The following CTNNA2 variants were observed in gnomAD, a reference collection of about 807,000 sequenced individuals.
CTNNA2 encodes the protein catenin alpha-2.
In CTNNA2, 42 loss-of-function variants were observed where a neutral mutation model predicts 101.0. The observed-to-expected ratio is 0.42, with a 90% CI of 0.32 to 0.54. The LOEUF is 0.54. Among genes scored for constraint, CTNNA2 ranks in the 20% least tolerant of loss-of-function variants. The probability of loss-of-function intolerance (pLI) is 0.14; values close to 1 mark genes in which losing one functional copy is unlikely to be tolerated. For synonymous variants in CTNNA2, 450 were observed against 456.4 expected (o/e 0.99, Z 0.18); for missense variants, 871 against 1,223.1 (o/e 0.71, Z 4.29).
chr2:80,036,848 TGAGAGAGAGAGAGA>T (rs71965090), intron 7 of CTNNA2, among the ~76,000 whole-genome samples: 2 of 120,236 alleles, frequency 1.7e-5, no homozygotes, highest in South Asian at 2.5e-4. Flanking sequence ...TGTGTGTGTG[TGAGAGAGAGAGAGA>T]GAGAGAGAGA....
intron 2 of CTNNA2, among the ~76,000 whole-genome samples, chr2:79,685,619 A>C (rs1281552666): frequency 3.3e-5 from 5 of 152,160 alleles, no homozygotes; most frequent in Non-Finnish European, 5.9e-5. Flanking sequence ...AAAGTTGTAC[A>C]CAAGTCTTCT....
At chr2:80,574,095 C>A (rs1422856379) in intron 12 of CTNNA2, 68 bp from the exon 13 acceptor site, 2 of 1,531,894 alleles carry the variant, frequency 1.3e-6, no homozygotes, top group Non-Finnish European at 1.8e-6. Flanking sequence ...GCCACTTCGC[C>A]CAAGAGCTGG....
intron 1 of CTNNA2, among the ~76,000 whole-genome samples, chr2:79,189,047 T>C (rs1673818711): frequency 6.6e-6 from 1 of 152,206 alleles, no homozygotes; most frequent in South Asian, 2.1e-4. Flanking sequence ...CAAATACTTG[T>C]TGAATCAATT....
At chr2:80,535,074 G>C (rs1045390712) in intron 9 of CTNNA2, among the ~76,000 whole-genome samples, 1 of 152,166 alleles carries the variant, frequency 6.6e-6, no homozygotes, top group Non-Finnish European at 1.5e-5. Context: ...ATTATAACTT[G>C]AGAATTGTAA....
intron 9 of CTNNA2, among the ~76,000 whole-genome samples, chr2:80,506,966 A>G (rs948622020): frequency 6.6e-6 from 1 of 152,178 alleles, no homozygotes; most frequent in Non-Finnish European, 1.5e-5. Context: ...ACACCTATTA[A>G]TACACGGAAA....
intron 18 of CTNNA2, among the ~76,000 whole-genome samples, chr2:80,641,700 C>T (rs1673506494): frequency 6.6e-6 from 1 of 151,984 alleles, no homozygotes; most frequent in Non-Finnish European, 1.5e-5. Context: ...TTAACTATTC[C>T]CTACTTAACC....
chr2:79,301,246 C>T (rs983624576), intron 2 of CTNNA2, among the ~76,000 whole-genome samples: 2 of 152,206 alleles, frequency 1.3e-5, no homozygotes, highest in Admixed American at 1.3e-4. Flanking sequence ...TCCATACAGG[C>T]CTTCTACACT....
intron 4 of CTNNA2, among the ~76,000 whole-genome samples, chr2:79,439,736 C>A (rs980789511): frequency 6.6e-6 from 1 of 151,864 alleles, no homozygotes; most frequent in Non-Finnish European, 1.5e-5. Flanking sequence ...GTTTCCTGAC[C>A]AGCAGCATTA....
chr2:80,059,553 C>T (rs1181466229), intron 7 of CTNNA2, among the ~76,000 whole-genome samples: 1 of 152,214 alleles, frequency 6.6e-6, no homozygotes, highest in African/African-American at 2.4e-5. Context: ...CGCTTGGATA[C>T]TAGCACACTG....
intron 1 of CTNNA2, among the ~76,000 whole-genome samples, chr2:79,545,080 T>C (rs1451221696): frequency 6.6e-6 from 1 of 152,196 alleles, no homozygotes; most frequent in Non-Finnish European, 1.5e-5. Context: ...CATCACATGA[T>C]AGCACCGTTG....
At chr2:79,520,545 A>C (rs1672048568) in intron 1 of CTNNA2, among the ~76,000 whole-genome samples, 1 of 152,222 alleles carries the variant, frequency 6.6e-6, no homozygotes, top group South Asian at 2.1e-4. Flanking sequence ...TTTGCTCTTC[A>C]AAAGACAAAA....
intron 7 of CTNNA2, among the ~76,000 whole-genome samples, chr2:80,039,048 G>A (rs1695857840): frequency 6.6e-6 from 1 of 152,142 alleles, no homozygotes; most frequent in Admixed American, 6.6e-5. Context: ...GGGAGTGGAG[G>A]TGGGAAAAGG....
chr2:79,645,482 A>G (rs1680754831), intron 1 of CTNNA2, among the ~76,000 whole-genome samples: 1 of 152,248 alleles, frequency 6.6e-6, no homozygotes. Context: ...AAATTTAAAG[A>G]AAATAAATGC....
chr2:79,788,464 A>C (rs1413185633), intron 3 of CTNNA2, among the ~76,000 whole-genome samples: 1 of 152,172 alleles, frequency 6.6e-6, no homozygotes, highest in Non-Finnish European at 1.5e-5. Context: ...TTCAGTTATA[A>C]ATATCTATGA....
At chr2:80,372,412 A>G (rs1019812830) in intron 7 of CTNNA2, among the ~76,000 whole-genome samples, 2 of 146,422 alleles carry the variant, frequency 1.4e-5, no homozygotes, top group Non-Finnish European at 3.0e-5. Context: ...GCCCTCATGT[A>G]GCAAAGGTTG....
At chr2:80,606,414 C>CACACACACA (rs1558638318) in intron 16 of CTNNA2, among the ~76,000 whole-genome samples, 37 of 51,612 alleles carry the variant, frequency 7.2e-4, no homozygotes, top group African/African-American at 2.5e-3. Flanking sequence ...ACACACACAC[C>CACACACACA]CCCCAGGATA....
chr2:80,188,563 G>C (rs1706275522), intron 7 of CTNNA2, among the ~76,000 whole-genome samples: 1 of 152,114 alleles, frequency 6.6e-6, no homozygotes, highest in African/African-American at 2.4e-5. Context: ...ATTCCTTCTT[G>C]AGCCTCTAGA....
At chr2:79,637,353 G>A (rs1680144301) in intron 1 of CTNNA2, among the ~76,000 whole-genome samples, 1 of 152,160 alleles carries the variant, frequency 6.6e-6, no homozygotes, top group Non-Finnish European at 1.5e-5. Flanking sequence ...GAAGAACCAA[G>A]CCCCATCTTC....
At position 80,648,746 on chromosome 2, in the gene CTNNA2, A is replaced by G. The variant is rs1674385667; in HGVS notation, c.*874A>G. 6.6e-6 allele frequency: 1 copy of G among 152,014 alleles called. No homozygotes were observed. The highest frequency in any genetic ancestry group is 1.5e-5 in the Non-Finnish European group (1 of 67,980). The allele number at this position is 152,014 out of a possible 1,614,324, so 9.4% of individuals were successfully genotyped here. ...TGGTATCTAATATACCATTGTATTC[A>G]CTAACTAACTCAAAATAAACACATT... is the stretch of plus-strand genomic sequence containing the variant. On this transcript the variant is annotated 3_prime_UTR_variant, in exon 19 of 19. Transcript: ENST00000402739.
Sources: allele counts gnomAD v4.1 joint callset (sites outside exome capture counted in the v4.1 genomes callset), GRCh38; gene constraint gnomAD v4.1.1; transcripts MANE v1.5; gene names NCBI Gene and HGNC (gene_info 2026-07-23, HGNC 2026-07-21).